Variants in FHIT observed in about 807,000 individuals in gnomAD.
FHIT encodes fragile histidine triad diadenosine triphosphatase, also known as bis(5'-adenosyl)-triphosphatase.
Under a neutral mutation model 17.9 loss-of-function variants are expected in FHIT, and 19 were observed. The ratio of observed to expected loss-of-function variants is 1.06; its 90% CI spans 0.74 to 1.56. The LOEUF (loss-of-function observed/expected upper bound fraction) is 1.56, where lower values mean the gene tolerates loss of function less well. Among genes scored for constraint, FHIT ranks in the 40% most tolerant of loss-of-function variants. The pLI, the probability that FHIT is intolerant of heterozygous loss-of-function variation, is 0.00. For missense variants in FHIT, 248 were observed against 189.2 expected, an observed-to-expected ratio of 1.31 and a Z score of -1.82; for synonymous variants, 81 against 69.7, an observed-to-expected ratio of 1.16 and a Z score of -0.81.
At chr3:60,824,784 CTCTCT>C (rs1393751420) in intron 3 of FHIT, among the ~76,000 whole-genome samples, 2 of 152,160 alleles carry the variant, frequency 1.3e-5, no homozygotes, top group South Asian at 4.1e-4. Context: ...TCTGCACAAG[CTCTCT>C]ATTTGTCTGC....
chr3:59,872,565 G>A (rs688947), intron 8 of FHIT, among the ~76,000 whole-genome samples: 143,111 of 152,276 alleles, frequency 0.94, 67,591 homozygotes, highest in East Asian at 1. Context: ...GAAGAATTTC[G>A]AGGCCAAATG....
intron 5 of FHIT, among the ~76,000 whole-genome samples, chr3:60,184,091 G>T (rs1343105219): frequency 1.3e-5 from 2 of 151,662 alleles, no homozygotes; most frequent in African/African-American, 4.8e-5. Flanking sequence ...GGGCTCAAGT[G>T]ATTCTCCTGC....
intron 4 of FHIT, among the ~76,000 whole-genome samples, chr3:60,814,975 T>C (rs938486738): frequency 2.6e-5 from 4 of 152,054 alleles, no homozygotes; most frequent in Admixed American, 2.6e-4. Context: ...GGTTTTGATT[T>C]GTATTTCTCT....
intron 5 of FHIT, among the ~76,000 whole-genome samples, chr3:60,378,079 T>C (rs1355758204): frequency 6.6e-6 from 1 of 152,032 alleles, no homozygotes; most frequent in African/African-American, 2.4e-5. Flanking sequence ...CAGGCTGGAG[T>C]GCAGTGGCGC....
intron 4 of FHIT, among the ~76,000 whole-genome samples, chr3:60,739,049 G>T (rs1472017378): frequency 6.6e-6 from 1 of 152,280 alleles, no homozygotes; most frequent in East Asian, 1.9e-4. Context: ...TCAGCTGGGG[G>T]CAGTCGGAGA....
chr3:59,947,402 T>C (rs1706866425), intron 7 of FHIT, among the ~76,000 whole-genome samples: 1 of 152,210 alleles, frequency 6.6e-6, no homozygotes, highest in Non-Finnish European at 1.5e-5. Flanking sequence ...AATCTTCTTT[T>C]TTCCTTATTA....
chr3:60,796,252 C>T (rs894634463), intron 4 of FHIT, among the ~76,000 whole-genome samples: 4 of 152,144 alleles, frequency 2.6e-5, no homozygotes, highest in Non-Finnish European at 5.9e-5. Flanking sequence ...CACAAGGAGA[C>T]AGTATTTGAG....
intron 3 of FHIT, among the ~76,000 whole-genome samples, chr3:60,841,937 A>T (rs1702736003): frequency 1.3e-5 from 2 of 152,194 alleles, no homozygotes; most frequent in South Asian, 2.1e-4. Flanking sequence ...GTATGTCAGG[A>T]AAGTTTCTGG....
At chr3:61,248,851 T>C (rs1337500733) in intron 1 of FHIT, among the ~76,000 whole-genome samples, 1 of 152,204 alleles carries the variant, frequency 6.6e-6, no homozygotes, top group Non-Finnish European at 1.5e-5. Flanking sequence ...CGGGATACTT[T>C]TGACATGAGG....
intron 3 of FHIT, among the ~76,000 whole-genome samples, chr3:60,829,437 C>A (rs569178992): frequency 1.3e-5 from 2 of 152,176 alleles, no homozygotes; most frequent in Non-Finnish European, 2.9e-5. Flanking sequence ...GGCCTACCAA[C>A]TTATACTACT....
At chr3:60,470,526 A>G (rs1295556088) in intron 5 of FHIT, among the ~76,000 whole-genome samples, 1 of 151,876 alleles carries the variant, frequency 6.6e-6, no homozygotes, top group African/African-American at 2.4e-5. Context: ...CTGGCTACCA[A>G]TGACATTCAC....
intron 3 of FHIT, among the ~76,000 whole-genome samples, chr3:60,991,097 G>A (rs375697557): frequency 7.9e-5 from 12 of 152,314 alleles, no homozygotes; most frequent in East Asian, 7.7e-4. Flanking sequence ...TAATGGGGAC[G>A]GGGGTGGAGG....
intron 4 of FHIT, among the ~76,000 whole-genome samples, chr3:60,763,256 C>T (rs1257820956): frequency 6.6e-6 from 1 of 152,182 alleles, no homozygotes; most frequent in Non-Finnish European, 1.5e-5. Flanking sequence ...GGTGGGCTCA[C>T]TGTCAATTCA....
At chr3:59,926,495 G>A (rs1464731517) in intron 7 of FHIT, among the ~76,000 whole-genome samples, 1 of 152,096 alleles carries the variant, frequency 6.6e-6, no homozygotes, top group Admixed American at 6.6e-5. Flanking sequence ...AAACATAACG[G>A]TATAAGGTAA....
At chr3:60,712,040 A>T (rs1553705257) in intron 4 of FHIT, among the ~76,000 whole-genome samples, 3 of 152,238 alleles carry the variant, frequency 2.0e-5, no homozygotes, top group African/African-American at 4.8e-5. Context: ...CGGGTTACCC[A>T]CAAAGGGAAG....
chr3:60,761,445 G>T (rs1268056259), intron 4 of FHIT, among the ~76,000 whole-genome samples: 1 of 152,116 alleles, frequency 6.6e-6, no homozygotes, highest in African/African-American at 2.4e-5. Context: ...TTTCAATAAT[G>T]TGACACATGG....
chr3:59,873,817 C>T (rs1383313846), intron 8 of FHIT, among the ~76,000 whole-genome samples: 2 of 152,140 alleles, frequency 1.3e-5, no homozygotes, highest in Non-Finnish European at 2.9e-5. Context: ...AATAGTACTC[C>T]CCTTTCACTT....
chr3:60,763,008 C>T (rs545190034), intron 4 of FHIT, among the ~76,000 whole-genome samples: 58 of 152,308 alleles, frequency 3.8e-4, no homozygotes, highest in African/African-American at 1.3e-3. Context: ...ACCATTCTAA[C>T]TGGGTTTCTG....
At chr3:61,049,546 C>T (rs2033947583) in intron 2 of FHIT, among the ~76,000 whole-genome samples, 2 of 152,070 alleles carry the variant, frequency 1.3e-5, no homozygotes, top group South Asian at 4.1e-4. Flanking sequence ...CCTGAATGAA[C>T]TAACTCATGT....
Sources: allele counts gnomAD v4.1 joint callset (sites outside exome capture counted in the v4.1 genomes callset), GRCh38; gene constraint gnomAD v4.1.1; transcripts MANE v1.5; gene names NCBI Gene and HGNC (gene_info 2026-07-23, HGNC 2026-07-21).